The following SLC35A5 variants were observed in gnomAD, a reference collection of about 807,000 sequenced individuals.
SLC35A5 encodes UDP-sugar transporter protein SLC35A5.
In SLC35A5, 28 loss-of-function variants were observed where a neutral mutation model predicts 36.3. That is an observed-to-expected ratio of 0.77 (90% CI 0.57 to 1.06). SLC35A5 has a LOEUF of 1.06. SLC35A5 is among the 50% of genes least tolerant of loss of function. The pLI is 0.00. For synonymous variants in SLC35A5, 180 were observed against 173.7 expected, an observed-to-expected ratio of 1.04 and a Z score of -0.29; for missense variants, 521 against 499.3, an observed-to-expected ratio of 1.04 and a Z score of -0.41.
At chr3:112,561,431 C>G, upstream of SLC35A5, 1 of 1,610,424 alleles carries the variant, frequency 6.2e-7, no homozygotes, top group East Asian at 2.2e-5. Context: ...TGCCTGACAG[C>G]TCCCGGCAAC....
Position 112,584,840 on chromosome 3 carries a change from TG to T in SLC35A5, c.*2106del, listed in dbSNP as rs1171956001. 6.6e-6 allele frequency: 1 copy of T among 152,286 alleles called. No individual in the cohort carries two copies. The highest frequency in any genetic ancestry group is 1.9e-4 in the East Asian group (1 of 5,178). The allele number at this position is 152,286 out of a possible 1,614,324, so 9.4% of individuals were successfully genotyped here. On this transcript the variant is annotated 3_prime_UTR_variant, in exon 7 of 7. Transcript: ENST00000492406. The stretch of plus-strand genomic sequence containing the variant: ...AAGAAAATGTGGTACATATACACCA[TG>T]GAATACTTTGCAGCCATAAAAAATA...
At chr3:112,572,231 C>G (rs1006781680) in intron 4 of SLC35A5, among the ~76,000 whole-genome samples, 2 of 151,666 alleles carry the variant, frequency 1.3e-5, no homozygotes. Context: ...CGTGAGCCAC[C>G]GTGCCCGGCC....
chr3:112,580,123 TA>T (rs80289077), intron 5 of SLC35A5, among the ~76,000 whole-genome samples: 42,468 of 152,056 alleles, frequency 0.28, 7,435 homozygotes, highest in Middle Eastern at 0.42. Context: ...ATCTCCTGCA[TA>T]GGGGGAAATT....
intron 5 of SLC35A5, among the ~76,000 whole-genome samples, chr3:112,578,497 G>C (rs1219964155): frequency 1.3e-5 from 2 of 152,180 alleles, no homozygotes; most frequent in Non-Finnish European, 2.9e-5. Context: ...GGAGAGATGA[G>C]TGAAGTGAGC....
chr3:112,577,799 C>T (rs963924063), intron 5 of SLC35A5, among the ~76,000 whole-genome samples: 3 of 152,200 alleles, frequency 2.0e-5, no homozygotes, highest in African/African-American at 7.2e-5. Flanking sequence ...ACAAGCATTT[C>T]TCCAGAATCA....
chr3:112,579,714 A>T (rs1934819234), intron 5 of SLC35A5, among the ~76,000 whole-genome samples: 1 of 151,980 alleles, frequency 6.6e-6, no homozygotes, highest in South Asian at 2.1e-4. Context: ...CCCATTAATC[A>T]CTTTTCACAC....
At chr3:112,570,708 T>G in intron 4 of SLC35A5, 38 bp downstream of exon 4, 1 of 1,502,888 alleles carries the variant, frequency 6.7e-7, no homozygotes. Context: ...ATTGAAAAGA[T>G]ACAGAGAAAT....
intron 5 of SLC35A5, among the ~76,000 whole-genome samples, chr3:112,575,373 C>G (rs945705930): frequency 3.3e-5 from 5 of 152,064 alleles, no homozygotes; most frequent in African/African-American, 9.7e-5. Context: ...GTATGTATTG[C>G]CTGACTTGAA....
intron 5 of SLC35A5, among the ~76,000 whole-genome samples, chr3:112,577,091 A>AG (rs1447926617): frequency 4.0e-4 from 20 of 49,748 alleles, no homozygotes; most frequent in Non-Finnish European, 2.2e-3. Flanking sequence ...AAATTTTTTA[A>AG]GAAAAAAAAA....
Position 112,583,197 on chromosome 3 carries a change from T to A in SLC35A5, c.*461T>A. 2.5e-6 allele frequency: 1 copy of A among 398,086 alleles called. No individual in the cohort carries two copies. The highest frequency in any genetic ancestry group is 4.4e-6 in the Non-Finnish European group (1 of 225,718). The allele number at this position is 398,086 out of a possible 1,614,324, so 24.7% of individuals were successfully genotyped here. Reference sequence around the variant, plus strand: ...TTTGAGGCCCTAGAGATAGTCATTTTGCAAGTAAAGAGCAACGGGACCCTT... The same window carrying A: ...TTTGAGGCCCTAGAGATAGTCATTTAGCAAGTAAAGAGCAACGGGACCCTT... On this transcript the variant is annotated 3_prime_UTR_variant, in exon 7 of 7. Coordinates refer to ENST00000492406, the MANE Select transcript of SLC35A5 (RefSeq NM_017945.5).
At chr3:112,578,799 T>C (rs755538031) in intron 5 of SLC35A5, among the ~76,000 whole-genome samples, 9 of 152,200 alleles carry the variant, frequency 5.9e-5, no homozygotes, top group Admixed American at 3.9e-4. Context: ...AAAGGAACTA[T>C]AGATTATATC....
chr3:112,576,250 C>A (rs2933137), intron 5 of SLC35A5, among the ~76,000 whole-genome samples: 24,146 of 151,756 alleles, frequency 0.16, 4,501 homozygotes, highest in African/African-American at 0.45. Context: ...GCCTCAGCCT[C>A]CCCAGTAGCT....
intron 4 of SLC35A5, among the ~76,000 whole-genome samples, chr3:112,571,518 G>A (rs1299649715): frequency 2.0e-5 from 3 of 152,116 alleles, no homozygotes; most frequent in African/African-American, 7.2e-5. Context: ...ATGAAAAGGA[G>A]GGCTCAAGAT....
intron 5 of SLC35A5, among the ~76,000 whole-genome samples, chr3:112,578,989 C>T (rs757293360): frequency 7.2e-5 from 11 of 151,976 alleles, no homozygotes; most frequent in Non-Finnish European, 1.0e-4. Flanking sequence ...CATAAGGCTG[C>T]GCTAACGCCA....
intron 2 of SLC35A5, among the ~76,000 whole-genome samples, chr3:112,568,652 A>T (rs1345166926): frequency 6.6e-6 from 1 of 152,224 alleles, no homozygotes; most frequent in African/African-American, 2.4e-5. Flanking sequence ...CATTTATCCC[A>T]GAGTGCCAAA....
At chr3:112,564,926 C>T (rs1371336136) in intron 2 of SLC35A5, among the ~76,000 whole-genome samples, 1 of 152,198 alleles carries the variant, frequency 6.6e-6, no homozygotes, top group African/African-American at 2.4e-5. Context: ...GGTAAGGTTA[C>T]AGATTGCAGA....
Position 112,584,579 on chromosome 3 carries a change from T to G in SLC35A5, c.*1843T>G, listed in dbSNP as rs535128467. On this transcript the variant is annotated 3_prime_UTR_variant, in exon 7 of 7. Coordinates refer to ENST00000492406, the MANE Select transcript of SLC35A5 (RefSeq NM_017945.5). ...AGCATTTTTTGCACAAAGTTAAGTT[T>G]ACTTATGTTAACTTGCCACTTAATG... The G allele has an allele frequency of 1.3e-5, 2 of 152,316 alleles. No homozygotes were observed. Among genetic ancestry groups the G allele is most frequent in the African/African-American group, 4.8e-5 (2 of 41,576 alleles). The allele number at this position is 152,316 out of a possible 1,614,324, so 9.4% of individuals were successfully genotyped here. A position where few individuals can be genotyped will look rare whatever the true frequency, so the allele number is the denominator to read the frequency against.
rs1246081568 is a variant in SLC35A5, at chr3:112,562,183, C to T, written c.-110C>T. On this transcript the variant is annotated 5_prime_UTR_variant, in exon 1 of 7. Coordinates refer to ENST00000492406, the MANE Select transcript of SLC35A5 (RefSeq NM_017945.5). ...TACTGTAGCTTCTCCACGTATGGACCCTAAAGGCTACTGCTGCTACTACGG... is the reference window on the plus strand; with the variant it reads ...TACTGTAGCTTCTCCACGTATGGACTCTAAAGGCTACTGCTGCTACTACGG... 1 of 153,110 alleles carries T rather than the reference C, an allele frequency of 6.5e-6. No individual in the cohort carries two copies. The highest frequency in any genetic ancestry group is 1.5e-5 in the Non-Finnish European group (1 of 68,442). The allele number at this position is 153,110 out of a possible 1,614,324, so 9.5% of individuals were successfully genotyped here.
intron 6 of SLC35A5, among the ~76,000 whole-genome samples, chr3:112,581,810 T>C (rs1934945063): frequency 6.6e-6 from 1 of 152,162 alleles, no homozygotes; most frequent in Admixed American, 6.5e-5. Context: ...GGCTCCTCAG[T>C]CCTCCCTGTG....
Sources: gnomAD v4.1 joint callset for allele counts (sites outside exome capture counted in the v4.1 genomes callset) on GRCh38, gnomAD v4.1.1 for gene constraint, MANE v1.5 for transcripts, NCBI Gene and HGNC (gene_info 2026-07-23, HGNC 2026-07-21) for gene names.